SIPA1L1: variants seen among roughly 807,000 people sequenced by gnomAD.
The protein encoded by SIPA1L1 is signal-induced proliferation-associated 1-like protein 1.
SIPA1L1 carries 26 observed loss-of-function variants against 162.7 expected under a neutral mutation model. That is an observed-to-expected ratio of 0.16 (90% CI 0.12 to 0.22). The LOEUF is 0.22. SIPA1L1 is among the 10% of genes least tolerant of loss of function. SIPA1L1 has a pLI of 1.00. For missense variants in SIPA1L1, 1,874 were observed against 2,241.0 expected (o/e 0.84, Z 3.31); for synonymous variants, 829 against 837.4 (o/e 0.99, Z 0.17).
chr14:71,352,988 G>GT (rs2036869552), intron 2 of SIPA1L1, among the ~76,000 whole-genome samples: 3 of 152,204 alleles, frequency 2.0e-5, no homozygotes, highest in Admixed American at 2.0e-4. Flanking sequence ...TGATGGAAAT[G>GT]TTCTGTATTT....
At chr14:71,324,114 G>A (rs762731025) in intron 2 of SIPA1L1, among the ~76,000 whole-genome samples, 8 of 152,168 alleles carry the variant, frequency 5.3e-5, no homozygotes, top group Non-Finnish European at 8.8e-5. Context: ...TTGCTTCACA[G>A]ATGAGCTACA....
At chr14:71,473,973 G>A (rs192118266) in intron 2 of SIPA1L1, among the ~76,000 whole-genome samples, 5 of 152,316 alleles carry the variant, frequency 3.3e-5, no homozygotes, top group Admixed American at 6.5e-5. Flanking sequence ...TATTTTGAAT[G>A]CAGCTATCCT....
chr14:71,534,365 G>A (rs775318013), intron 4 of SIPA1L1, among the ~76,000 whole-genome samples: 5 of 152,156 alleles, frequency 3.3e-5, no homozygotes, highest in Non-Finnish European at 5.9e-5. Flanking sequence ...AGATTAACTC[G>A]TGTAAATTAT....
intron 5 of SIPA1L1, among the ~76,000 whole-genome samples, chr14:71,614,599 AAT>A (rs2038617071): frequency 6.6e-6 from 1 of 152,230 alleles, no homozygotes. Context: ...GCTCTTTTTT[AAT>A]GAAAAAACTT....
chr14:71,388,065 C>T (rs1027825945), intron 2 of SIPA1L1, among the ~76,000 whole-genome samples: 2 of 152,184 alleles, frequency 1.3e-5, no homozygotes, highest in African/African-American at 4.8e-5. Context: ...ATACTTCATA[C>T]AAGGTGTTCA....
chr14:71,684,659 G>T (rs1451640963), intron 12 of SIPA1L1, among the ~76,000 whole-genome samples: 1 of 152,154 alleles, frequency 6.6e-6, no homozygotes, highest in Non-Finnish European at 1.5e-5. Flanking sequence ...GTGTGAAGCT[G>T]CTCGTACACC....
chr14:71,663,447 A>C (rs2043718615), intron 10 of SIPA1L1, among the ~76,000 whole-genome samples: 1 of 152,190 alleles, frequency 6.6e-6, no homozygotes, highest in South Asian at 2.1e-4. Context: ...GACTTTTAAA[A>C]ATCTTTAAAA....
chr14:71,546,436 C>T (rs1213839906), intron 4 of SIPA1L1, among the ~76,000 whole-genome samples: 1 of 130,652 alleles, frequency 7.7e-6, no homozygotes, highest in Non-Finnish European at 1.5e-5. Flanking sequence ...AGTGCAGGTG[C>T]AGTGGCACAA....
chr14:71,704,469 G>T (rs569672663), intron 15 of SIPA1L1, among the ~76,000 whole-genome samples: 1 of 152,180 alleles, frequency 6.6e-6, no homozygotes, highest in Admixed American at 6.5e-5. Flanking sequence ...CTTTATGGCT[G>T]TTCACTTTTC....
intron 2 of SIPA1L1, among the ~76,000 whole-genome samples, chr14:71,452,172 C>T (rs528178589): frequency 3.9e-5 from 6 of 151,994 alleles, no homozygotes; most frequent in Admixed American, 6.6e-5. Flanking sequence ...GGAAACCCCC[C>T]CCTCATGTTC....
At chr14:71,376,644 T>C (rs912432401) in intron 2 of SIPA1L1, among the ~76,000 whole-genome samples, 4 of 151,942 alleles carry the variant, frequency 2.6e-5, no homozygotes, top group Non-Finnish European at 2.9e-5. Context: ...AGGACAATAG[T>C]GGAGAGAAGG....
At chr14:71,608,320 C>T (rs761958516) in intron 5 of SIPA1L1, among the ~76,000 whole-genome samples, 111 of 152,194 alleles carry the variant, frequency 7.3e-4, no homozygotes, top group Non-Finnish European at 1.4e-3. Context: ...CTGTTAGAGA[C>T]TTCCCCCTAA....
At chr14:71,667,054 A>G (rs1322643484) in intron 10 of SIPA1L1, among the ~76,000 whole-genome samples, 2 of 152,202 alleles carry the variant, frequency 1.3e-5, no homozygotes, top group East Asian at 3.9e-4. Context: ...TATTGTGCTT[A>G]AAAGCATTTA....
chr14:71,728,192 T>C (rs751899042), intron 19 of SIPA1L1, among the ~76,000 whole-genome samples: 8 of 152,218 alleles, frequency 5.3e-5, no homozygotes, highest in Non-Finnish European at 5.9e-5. Context: ...AGGAGCCTTA[T>C]GTGATAGTCC....
At chr14:71,737,709 A>G (rs1016587993) in intron 22 of SIPA1L1, among the ~76,000 whole-genome samples, 1 of 152,220 alleles carries the variant, frequency 6.6e-6, no homozygotes, top group Non-Finnish European at 1.5e-5. Context: ...TAGGCTAACA[A>G]GATACTTAGA....
intron 4 of SIPA1L1, among the ~76,000 whole-genome samples, chr14:71,582,624 T>C (rs1196710699): frequency 6.6e-6 from 1 of 152,216 alleles, no homozygotes; most frequent in East Asian, 1.9e-4. Context: ...AAATACAGCT[T>C]TATCATGTTA....
chr14:71,661,522 G>T lies in SIPA1L1; in HGVS notation c.2255+55G>T, dbSNP rs1022809080. 10 of 1,569,822 alleles carry T rather than the reference G, an allele frequency of 6.4e-6. No individual in the cohort carries two copies. The African/African-American group carries it at 1.1e-4, about 17-fold the overall frequency. Reference sequence around the variant, plus strand: ...GTGGATGTTGGCTGGTTATCGCATAGAGGCCCCATTCAGCTCTGCATTCTA... The same window carrying T: ...GTGGATGTTGGCTGGTTATCGCATATAGGCCCCATTCAGCTCTGCATTCTA... On this transcript the variant is annotated intron_variant, in intron 10 of 23. Coordinates refer to ENST00000381232, the MANE Select transcript of SIPA1L1 (RefSeq NM_001386936.1).
chr14:71,326,515 C>T (rs1389529004), intron 2 of SIPA1L1, among the ~76,000 whole-genome samples: 3 of 151,320 alleles, frequency 2.0e-5, no homozygotes, highest in African/African-American at 7.3e-5. Flanking sequence ...GGCCGACTTG[C>T]TTCTTTTTAT....
chr14:71,425,063 T>C (rs957466399), intron 2 of SIPA1L1, among the ~76,000 whole-genome samples: 20 of 152,080 alleles, frequency 1.3e-4, no homozygotes, highest in African/African-American at 4.6e-4. Context: ...CATAGTGCAC[T>C]CTTATAAGCC....
Sources: gnomAD v4.1 joint callset for allele counts (sites outside exome capture counted in the v4.1 genomes callset) on GRCh38, gnomAD v4.1.1 for gene constraint, MANE v1.5 for transcripts, NCBI Gene and HGNC (gene_info 2026-07-23, HGNC 2026-07-21) for gene names.